CCDC183: variants seen among roughly 807,000 people sequenced by gnomAD.
CCDC183 encodes the protein coiled-coil domain containing 183, also known as coiled-coil domain-containing protein 183.
Under a neutral mutation model 65.2 loss-of-function variants are expected in CCDC183, and 63 were observed. The ratio of observed to expected loss-of-function variants is 0.97; its 90% CI spans 0.79 to 1.19. CCDC183 has a LOEUF of 1.19. Ranked by LOEUF, CCDC183 falls within the 50% of genes most tolerant of loss-of-function variation. The pLI, the probability that CCDC183 is intolerant of heterozygous loss-of-function variation, is 0.00. For missense variants in CCDC183, 769 were observed against 689.3 expected, an observed-to-expected ratio of 1.12 and a Z score of -1.30; for synonymous variants, 323 against 276.5, an observed-to-expected ratio of 1.17 and a Z score of -1.67.
In CCDC183 at chr9:136,799,732, C is replaced by G. The variant is rs1373070087; in HGVS notation, c.212C>G (p.Ser71Cys). Residue 71 changes from serine (S) to cysteine (C), a missense_variant, in exon 3 of 14, where the codon TCC becomes TGC. Physicochemically the swap from Ser to Cys is moderately radical, Grantham distance 112 (BLOSUM62 -1). Transcript: ENST00000338005. ...CCGCAGTATGACCAGTGGACCATCT[C>G]CAAGGCCTGCGGGAAAAACTTGCCT... is the stretch of plus-strand genomic sequence containing the variant. ...LAKKYDQWTI[S>C]KACGKNLPLR... 2 of 1,613,146 alleles carry G rather than the reference C, an allele frequency of 1.2e-6. No homozygotes were observed. The highest frequency in any genetic ancestry group is 3.3e-5 in the Admixed American group (2 of 60,016).
Position 136,806,250 on chromosome 9 carries a change from T to G in CCDC183, c.1109+12T>G, listed in dbSNP as rs1847846529. ...CCTAGCTCCATCAGGTGCCCCGGGC[T>G]TCCGGGGCTGCGGGCCACCCACCCC... On this transcript the variant is annotated intron_variant, in intron 10 of 13. Coordinates refer to ENST00000338005, the MANE Select transcript of CCDC183 (RefSeq NM_001039374.5). 2.5e-6 allele frequency: 4 copies of G among 1,584,634 alleles called. No individual in the cohort carries two copies. The highest frequency in any genetic ancestry group is 3.4e-6 in the Non-Finnish European group (4 of 1,165,414).
chr9:136,800,432 A>T lies in CCDC183; in HGVS notation c.482A>T (p.Lys161Met). The T allele has an allele frequency of 6.2e-7, 1 of 1,612,974 alleles. No homozygotes were observed. Among genetic ancestry groups the T allele is most frequent in the East Asian group, 2.2e-5 (1 of 44,868 alleles). ...AACAACATCGAGAAGACAATGATCA[A>T]GATCATCACCAGCCAGAACATCCAC... ...LENNIEKTMIKIITSQNIHLL... is the reference protein window; with the variant it reads ...LENNIEKTMIMIITSQNIHLL... Residue 161 changes from lysine to methionine, a missense_variant, in exon 5 of 14, where the codon AAG (lysine) becomes ATG (methionine). By Grantham distance (95) the Lys-to-Met change is moderately conservative. Coordinates refer to ENST00000338005, the MANE Select transcript of CCDC183 (RefSeq NM_001039374.5).
At chr9:136,802,185 C>T (rs757583405) in intron 5 of CCDC183, among the ~76,000 whole-genome samples, 17 of 152,172 alleles carry the variant, frequency 1.1e-4, no homozygotes, top group Non-Finnish European at 5.9e-5. Flanking sequence ...ACACTCAATT[C>T]ATCCTGATGG....
Position 136,804,138 on chromosome 9 carries a change from T to C in CCDC183, c.667-364T>C, listed in dbSNP as rs1303144028. 4.0e-6 allele frequency: 1 copy of C among 250,688 alleles called. No homozygotes were observed. Among genetic ancestry groups the C allele is most frequent in the Non-Finnish European group, 8.0e-6 (1 of 125,496 alleles). 15.5% of individuals were successfully genotyped at this position (250,688 alleles called of 1,614,324 possible). On this transcript the variant is annotated intron_variant, in intron 6 of 13. Coordinates refer to ENST00000338005, the MANE Select transcript of CCDC183 (RefSeq NM_001039374.5). The surrounding 1 kb of genome is among the most constrained non-coding windows in gnomAD (Gnocchi z 4.1). Reference sequence around the variant, plus strand: ...GTGAGCAGGGGTTAGCAGATGACGGTTTTAGCTGCCCAAGGGCACGCTGGA... The same window carrying C: ...GTGAGCAGGGGTTAGCAGATGACGGCTTTAGCTGCCCAAGGGCACGCTGGA...
intron 5 of CCDC183, 46 bp downstream of exon 5, chr9:136,800,539 T>C: frequency 8.5e-7 from 1 of 1,182,090 alleles, no homozygotes; most frequent in South Asian, 1.3e-5. Flanking sequence ...GGCTGGGATC[T>C]GGGAGGGGCG....
Position 136,807,280 on chromosome 9 carries a change from G to A in CCDC183, c.1486+214G>A, listed in dbSNP as rs937739484. ...AAATACCTTGTTAATTTCTCCGAAA[G>A]GAGGAGGCATGCCATGCCAGACGGG... On this transcript the variant is annotated intron_variant, in intron 13 of 13. Transcript: ENST00000338005. 6 of 643,570 alleles carry A rather than the reference G, an allele frequency of 9.3e-6. No homozygotes were observed. The East Asian group carries it at 1.4e-4, about 15-fold the overall frequency. 39.9% of individuals were successfully genotyped at this position (643,570 alleles called of 1,614,324 possible). A position where few individuals can be genotyped will look rare whatever the true frequency, so the allele number is the denominator to read the frequency against.
rs776857780 is a variant in CCDC183, at chr9:136,799,744, G to A, written c.224G>A (p.Gly75Glu). The A allele has an allele frequency of 1.9e-6, 3 of 1,613,158 alleles. No homozygotes were observed. The highest frequency in any genetic ancestry group is 8.5e-7 in the Non-Finnish European group (1 of 1,179,958). The change falls in exon 3 of 14, where the codon GGG (glycine) becomes GAG (glutamate). Residue 75 changes from glycine to glutamate, a missense_variant. Physicochemically the swap from Gly to Glu is moderately conservative, Grantham distance 98. Coordinates refer to ENST00000338005, the MANE Select transcript of CCDC183 (RefSeq NM_001039374.5). ...CAGTGGACCATCTCCAAGGCCTGCG[G>A]GAAAAACTTGCCTTTGCGACTGGCG... ...YDQWTISKAC[G>E]KNLPLRLAHC...
chr9:136,801,853 T>A (rs1449887765), intron 5 of CCDC183, among the ~76,000 whole-genome samples: 1 of 151,316 alleles, frequency 6.6e-6, no homozygotes, highest in Admixed American at 6.6e-5. Context: ...AGTGGTGAGA[T>A]CTCGGCTCAC....
intron 9 of CCDC183, among the ~76,000 whole-genome samples, 183 bp from the exon 10 acceptor site, chr9:136,805,895 G>C (rs552320002): frequency 6.6e-6 from 1 of 152,360 alleles, no homozygotes; most frequent in African/African-American, 2.4e-5. Flanking sequence ...TCAGGAAGCT[G>C]AGGTGGGAGG....
At chr9:136,799,934 C>G in intron 3 of CCDC183, 68 bp from the exon 4 acceptor site, 2 of 1,536,672 alleles carry the variant, frequency 1.3e-6, no homozygotes, top group Non-Finnish European at 1.8e-6. Context: ...TCCACCCGCC[C>G]GCCTGCTGGC....
rs759937715 is a variant in CCDC183 at position 136,807,678 on chromosome 9, AAAG to A, written c.1600_1602del (p.Lys534del). ...AGGGGAAGCTCAAGGCGGCCAAGAA[AAAG>A]AAGAAGTAGCCCCGCCGCCCCGCTC... On this transcript the variant is annotated inframe_deletion, in exon 14 of 14. Coordinates refer to ENST00000338005, the MANE Select transcript of CCDC183 (RefSeq NM_001039374.5). 103 of 1,602,040 alleles carry A rather than the reference AAAG, an allele frequency of 6.4e-5. No individual in the cohort carries two copies. The highest frequency in any genetic ancestry group is 3.9e-4 in the African/African-American group (29 of 74,490).
chr9:136,800,126 G>T lies in CCDC183; in HGVS notation c.395G>T (p.Arg132Leu). 1.3e-6 allele frequency: 2 copies of T among 1,544,478 alleles called. No individual in the cohort carries two copies. Among genetic ancestry groups the T allele is most frequent in the African/African-American group, 2.7e-5 (2 of 73,416 alleles). The change falls in exon 4 of 14, where the codon CGG becomes CTG. Residue 132 changes from arginine to leucine, a missense_variant. By Grantham distance (102) the Arg-to-Leu change is moderately radical. Transcript: ENST00000338005. The part of the protein sequence containing the change: ...ESMQLELDSL[R>L]SQPDASKEEL... Reference sequence around the variant, plus strand: ...ATGCAGCTGGAGCTGGACAGCCTGCGGAGCCAGCCCGACGCCAGCAAGGAG... The same window carrying T: ...ATGCAGCTGGAGCTGGACAGCCTGCTGAGCCAGCCCGACGCCAGCAAGGAG...
chr9:136,799,449 C>T, intron 2 of CCDC183: 1 of 793,940 alleles, frequency 1.3e-6, no homozygotes, highest in Non-Finnish European at 1.9e-6. Flanking sequence ...CATCTGTGAG[C>T]CCACATCCTG....
intron 8 of CCDC183, 99 bp from the exon 9 acceptor site, chr9:136,805,258 G>A (rs963872085): frequency 2.5e-5 from 24 of 973,796 alleles, no homozygotes; most frequent in Admixed American, 9.3e-5. Flanking sequence ...TTGGGTGGCC[G>A]CCCCAGCAGC....
At chr9:136,799,592 G>C in intron 2 of CCDC183, 121 bp from the exon 3 acceptor site, 1 of 856,780 alleles carries the variant, frequency 1.2e-6, no homozygotes, top group Admixed American at 2.3e-5. Context: ...CCTCGTGGAA[G>C]CAGGGATCTC....
At chr9:136,800,615 T>TAC in intron 5 of CCDC183, 122 bp downstream of exon 5, 2 of 680,262 alleles carry the variant, frequency 2.9e-6, no homozygotes, top group Non-Finnish European at 5.1e-6. Flanking sequence ...GACCACCGGC[T>TAC]ACGCAGGACG....
rs761080958 is a variant in CCDC183 at position 136,799,162 on chromosome 9, C to T, written c.131C>T (p.Thr44Met). The change falls in exon 2 of 14, where the codon ACG becomes ATG. Residue 44 changes from threonine (T) to methionine (M), a missense_variant. Physicochemically the swap from Thr to Met is moderately conservative, Grantham distance 81. Coordinates refer to ENST00000338005, the MANE Select transcript of CCDC183 (RefSeq NM_001039374.5). ...VKENMDQNKATLALLRSNIRR... is the reference protein window; with the variant it reads ...VKENMDQNKAMLALLRSNIRR... ...GAGAATATGGACCAGAACAAGGCCACGCTGGCCCTCCTGCGCAGCAACATC... is the reference window on the plus strand; with the variant it reads ...GAGAATATGGACCAGAACAAGGCCATGCTGGCCCTCCTGCGCAGCAACATC... The T allele has an allele frequency of 8.7e-6, 14 of 1,613,066 alleles. No individual in the cohort carries two copies. Among genetic ancestry groups the T allele is most frequent in the Admixed American group, 3.3e-5 (2 of 59,958 alleles).
chr9:136,806,283 C>A (rs1316454542), intron 10 of CCDC183, 45 bp downstream of exon 10: 3 of 1,553,462 alleles, frequency 1.9e-6, no homozygotes, highest in Admixed American at 1.9e-5. Flanking sequence ...CCCAGTCTCA[C>A]AAAGGCCCCG....
At chr9:136,798,634 A>G (rs967467876) in intron 1 of CCDC183, among the ~76,000 whole-genome samples, 2 of 152,198 alleles carry the variant, frequency 1.3e-5, no homozygotes, top group African/African-American at 4.8e-5. Flanking sequence ...AATCCAGGAC[A>G]TGGAGGGGAA....
Sources: gnomAD v4.1 joint callset for allele counts (sites outside exome capture counted in the v4.1 genomes callset) on GRCh38, gnomAD v4.1.1 for gene constraint, Gnocchi (gnomAD v3.1) non-coding constraint, MANE v1.5 for transcripts, NCBI Gene and HGNC (gene_info 2026-07-23, HGNC 2026-07-21) for gene names.